PDZD2: variants seen among roughly 807,000 people sequenced by gnomAD.
PDZD2 encodes PDZ domain containing 2.
In PDZD2, 90 loss-of-function variants were observed where a neutral mutation model predicts 220.7. That is an observed-to-expected ratio of 0.41 (90% CI 0.34 to 0.49). The LOEUF is 0.49. PDZD2 is among the 20% of genes least tolerant of loss of function. The probability of loss-of-function intolerance (pLI) is 0.28; values close to 1 mark genes in which losing one functional copy is unlikely to be tolerated. For missense variants in PDZD2, 3,174 were observed against 3,608.5 expected (o/e 0.88, Z 3.08); for synonymous variants, 1,375 against 1,450.5 (o/e 0.95, Z 1.18).
intron 2 of PDZD2, among the ~76,000 whole-genome samples, chr5:31,882,060 C>T (rs774112631): frequency 6.6e-5 from 10 of 152,288 alleles, no homozygotes; most frequent in East Asian, 5.8e-4. Context: ...GACTCCATCC[C>T]GTTATTCTGG....
intron 21 of PDZD2, among the ~76,000 whole-genome samples, chr5:32,094,088 G>A (rs1436757840): frequency 6.6e-6 from 1 of 151,304 alleles, no homozygotes; most frequent in African/African-American, 2.5e-5. Context: ...AGCCTGAGAA[G>A]GAGGGAGGGG....
At chr5:31,789,133 GTATAGCTGCT>G (rs991553811) in intron 1 of PDZD2, among the ~76,000 whole-genome samples, 3 of 152,130 alleles carry the variant, frequency 2.0e-5, no homozygotes, top group African/African-American at 7.2e-5. Flanking sequence ...TCTGGGGCTG[GTATAGCTGCT>G]CAAGGTCACA....
In PDZD2 at chr5:31,993,002, AT is replaced by A. The variant is rs146420508; in HGVS notation, c.979-2573del. ...CACATCCCTGATTCTGTTCTTTTCA[AT>A]GGTATCCACTAGGCCATCGGGCCCC... On this transcript the variant is annotated intron_variant, in intron 3 of 24. Coordinates refer to ENST00000438447, the MANE Select transcript of PDZD2 (RefSeq NM_178140.4). Among the ~76,000 whole-genome samples the A allele has an allele frequency of 5.0e-3, 755 of 152,204 alleles. 9 individuals carry two copies. The highest frequency in any genetic ancestry group is 0.017 in the African/African-American group (695 of 41,540).
intron 1 of PDZD2, among the ~76,000 whole-genome samples, chr5:31,681,162 G>GT (rs1240355031): frequency 1.3e-5 from 2 of 152,120 alleles, no homozygotes; most frequent in African/African-American, 4.8e-5. Flanking sequence ...GAAAATTACT[G>GT]TTTTTTTCTT....
At chr5:31,652,754 T>A (rs1195949249) in intron 1 of PDZD2, among the ~76,000 whole-genome samples, 1 of 152,200 alleles carries the variant, frequency 6.6e-6, no homozygotes, top group Non-Finnish European at 1.5e-5. Context: ...CTCACGCCTG[T>A]AATCCCAGCA....
intron 2 of PDZD2, among the ~76,000 whole-genome samples, chr5:31,944,143 G>C (rs1746441271): frequency 6.6e-6 from 1 of 152,024 alleles, no homozygotes; most frequent in African/African-American, 2.4e-5. Flanking sequence ...CAGATAATTG[G>C]TTTTCTTTGT....
intron 1 of PDZD2, among the ~76,000 whole-genome samples, chr5:31,658,436 T>C (rs1445752774): frequency 6.6e-6 from 1 of 152,206 alleles, no homozygotes; most frequent in Non-Finnish European, 1.5e-5. Flanking sequence ...CTCAGGAGCG[T>C]GTCTCCTCTC....
chr5:31,736,174 C>T (rs426916), intron 1 of PDZD2, among the ~76,000 whole-genome samples: 81,108 of 151,998 alleles, frequency 0.53, 22,466 homozygotes, highest in East Asian at 0.89. Context: ...TATTTGATGA[C>T]TTGAGGCAAC....
chr5:32,088,143 CACTGAA>C lies in PDZD2; in HGVS notation c.4696_4701del (p.Thr1566_Glu1567del). The stretch of plus-strand genomic sequence containing the variant: ...ATTCTTCTTCTGACCCTGAGTCACT[CACTGAA>C]GCCCCACGAGCTTCTGCCAGGGACG... On this transcript the variant is annotated inframe_deletion, in exon 20 of 25. Transcript: ENST00000438447. This position sits in a 1 kb window ranked among gnomAD's most constrained non-coding sequence, Gnocchi z 4.6. 4 of 1,614,208 alleles carry C rather than the reference CACTGAA, an allele frequency of 2.5e-6. No homozygotes were observed. The highest frequency in any genetic ancestry group is 3.4e-6 in the Non-Finnish European group (4 of 1,180,036).
chr5:31,792,369 G>A (rs914271070), intron 1 of PDZD2, among the ~76,000 whole-genome samples: 1 of 152,180 alleles, frequency 6.6e-6, no homozygotes, highest in Non-Finnish European at 1.5e-5. Flanking sequence ...CTTATGAACT[G>A]TGAGACCTTG....
chr5:31,837,840 T>G (rs907032225), intron 2 of PDZD2, among the ~76,000 whole-genome samples: 4 of 152,092 alleles, frequency 2.6e-5, no homozygotes, highest in African/African-American at 9.7e-5. Context: ...TGAGCTGAGA[T>G]CGCACCACTG....
chr5:32,065,895 A>G (rs1277318960), intron 14 of PDZD2, among the ~76,000 whole-genome samples: 4 of 151,974 alleles, frequency 2.6e-5, no homozygotes, highest in Non-Finnish European at 1.5e-5. Context: ...GCGTGGTGGC[A>G]GGCGCCTGTA....
intron 1 of PDZD2, among the ~76,000 whole-genome samples, chr5:31,746,913 C>T (rs1424581186): frequency 1.3e-5 from 2 of 152,206 alleles, no homozygotes; most frequent in Admixed American, 6.5e-5. Flanking sequence ...TGGTGGCTCA[C>T]GCCTGTAATC....
Position 31,716,325 on chromosome 5 carries a change from T to C in PDZD2, c.-361+76888T>C, listed in dbSNP as rs546884808. Among the ~76,000 whole-genome samples, 3 of 152,258 alleles carry C rather than the reference T, an allele frequency of 2.0e-5. No homozygotes were observed. In the South Asian group the frequency reaches 6.2e-4, roughly 32 times the overall value. ...GACACAGACATGGAAATGGCTATCA[T>C]GAAGAAAGAAGCTTATACTCACAGA... On this transcript the variant is annotated intron_variant, in intron 1 of 24. Transcript: ENST00000438447.
chr5:31,885,128 G>A (rs1740329346), intron 2 of PDZD2, among the ~76,000 whole-genome samples: 1 of 148,858 alleles, frequency 6.7e-6, no homozygotes, highest in South Asian at 2.1e-4. Context: ...TGTATGAAAT[G>A]GCAACTCCCA....
At chr5:31,709,197 T>C (rs1009728811) in intron 1 of PDZD2, among the ~76,000 whole-genome samples, 1 of 152,166 alleles carries the variant, frequency 6.6e-6, no homozygotes, top group Non-Finnish European at 1.5e-5. Flanking sequence ...TCAGCAGTTA[T>C]TTTTAAAGAT....
intron 6 of PDZD2, among the ~76,000 whole-genome samples, chr5:32,018,804 C>T (rs146508473): frequency 2.0e-5 from 3 of 152,364 alleles, no homozygotes; most frequent in East Asian, 3.9e-4. Context: ...TTGCTTGAAA[C>T]TCAATGCCTT....
chr5:31,778,163 C>T (rs903589820), intron 1 of PDZD2, among the ~76,000 whole-genome samples: 4 of 152,172 alleles, frequency 2.6e-5, no homozygotes, highest in Non-Finnish European at 5.9e-5. Context: ...CACCAATCAG[C>T]ACTCTGTGTC....
chr5:32,015,446 G>A (rs993405343), intron 6 of PDZD2, among the ~76,000 whole-genome samples: 3 of 151,978 alleles, frequency 2.0e-5, no homozygotes, highest in South Asian at 2.1e-4. Flanking sequence ...GGGATGGGGC[G>A]TCACTATGTT....
Sources: allele counts gnomAD v4.1 joint callset (sites outside exome capture counted in the v4.1 genomes callset), GRCh38; gene constraint gnomAD v4.1.1; non-coding constraint Gnocchi (gnomAD v3.1); transcripts MANE v1.5; gene names NCBI Gene and HGNC (gene_info 2026-07-23, HGNC 2026-07-21).